The following GTF3C4 variants were observed in gnomAD, a reference collection of about 807,000 sequenced individuals.
The protein encoded by GTF3C4 is general transcription factor 3C polypeptide 4.
In GTF3C4, 28 loss-of-function variants were observed where a neutral mutation model predicts 67.5. The ratio of observed to expected loss-of-function variants is 0.41; its 90% CI spans 0.31 to 0.57. The LOEUF (loss-of-function observed/expected upper bound fraction) is 0.57, where lower values mean the gene tolerates loss of function less well. GTF3C4 is among the 20% of genes least tolerant of loss of function. GTF3C4 has a pLI of 0.21. For missense variants in GTF3C4, 831 were observed against 1,033.2 expected (o/e 0.80, Z 2.68); for synonymous variants, 409 against 393.0 (o/e 1.04, Z -0.48).
chr9:132,683,634 G>T lies in GTF3C4; in HGVS notation c.2256G>T (p.Glu752Asp). The change falls in exon 3 of 5, where the codon GAG becomes GAT. Residue 752 changes from glutamate (E) to aspartate (D), a missense_variant. Physicochemically the swap from Glu to Asp is conservative, Grantham distance 45. Around this residue, in one of 4 missense-constraint regions of GTF3C4, gnomAD observed 129 missense variants for 213.8 expected, o/e 0.60. Transcript: ENST00000372146. ...TFPEHCSLCK[E>D]ILPFTDRKQA... ...CTGAGCACTGTAGTTTGTGTAAAGA[G>T]ATCTTGCCATTCACAGATCGCAAAC... The T allele has an allele frequency of 6.2e-7, 1 of 1,613,410 alleles. No homozygotes were observed. Among genetic ancestry groups the T allele is most frequent in the Non-Finnish European group, 8.5e-7 (1 of 1,179,754 alleles).
intron 1 of GTF3C4, among the ~76,000 whole-genome samples, chr9:132,671,363 G>T (rs1391635792): frequency 3.3e-5 from 5 of 152,094 alleles, no homozygotes; most frequent in African/African-American, 9.7e-5. Context: ...ACTTTCCGAG[G>T]TTCTTGGCTG....
At chr9:132,677,128 A>G (rs1451597676) in intron 1 of GTF3C4, among the ~76,000 whole-genome samples, 1 of 152,160 alleles carries the variant, frequency 6.6e-6, no homozygotes, top group Non-Finnish European at 1.5e-5. Context: ...ACAGCTGGGC[A>G]CGGTGGCTCA....
chr9:132,673,405 T>A (rs1835817525), intron 1 of GTF3C4, among the ~76,000 whole-genome samples: 2 of 131,232 alleles, frequency 1.5e-5, no homozygotes, highest in African/African-American at 6.3e-5. Context: ...CATCTTCCCC[T>A]TCTGTACTGT....
Position 132,679,706 on chromosome 9 carries a change from A to ATCTGC in GTF3C4, c.2088_2092dup (p.His698LeufsTer21). 1 of 1,614,192 alleles carries ATCTGC rather than the reference A, an allele frequency of 6.2e-7. No homozygotes were observed. The highest frequency in any genetic ancestry group is 8.5e-7 in the Non-Finnish European group (1 of 1,180,024). On this transcript the variant is annotated frameshift_variant, in exon 2 of 5. Transcript: ENST00000372146. LOFTEE classifies it high-confidence loss of function. This position sits in a 1 kb window ranked among gnomAD's most constrained non-coding sequence, Gnocchi z 5.9. ...ATGAAGCGAGTCTTAGGAGAAGTGTATCTGCACACCTGGATCACAGAAAAC... is the reference window on the plus strand; with the variant it reads ...ATGAAGCGAGTCTTAGGAGAAGTGTATCTGCTCTGCACACCTGGATCACAGAAAAC...
At position 132,683,570 on chromosome 9, in the gene GTF3C4, T is replaced by C. The variant is rs767870216; in HGVS notation, c.2192T>C (p.Ile731Thr). 2.2e-5 allele frequency: 35 copies of C among 1,612,004 alleles called. No individual in the cohort carries two copies. Among genetic ancestry groups the C allele is most frequent in the Non-Finnish European group, 2.8e-5 (33 of 1,179,574 alleles). Residue 731 changes from isoleucine (I) to threonine (T), a missense_variant, in exon 3 of 5, where the codon ATT becomes ACT. Coordinates refer to ENST00000372146, the MANE Select transcript of GTF3C4 (RefSeq NM_012204.4). ...ACTACTTTGTCTTACTAGGTGCTGA[T>C]TGGACATATCTCAAAGAAGATGAAC... ...EYDDRTARVLIGHISKKMNKQ... is the reference protein window; with the variant it reads ...EYDDRTARVLTGHISKKMNKQ...
intron 2 of GTF3C4, among the ~76,000 whole-genome samples, chr9:132,681,740 ATG>A (rs1008986363): frequency 6.6e-6 from 1 of 152,168 alleles, no homozygotes; most frequent in Non-Finnish European, 1.5e-5. Context: ...CCCATTGAGA[ATG>A]TGTGAGTCAG....
At chr9:132,682,896 G>A (rs558468632) in intron 2 of GTF3C4, among the ~76,000 whole-genome samples, 1 of 152,258 alleles carries the variant, frequency 6.6e-6, no homozygotes, top group African/African-American at 2.4e-5. Context: ...GAGCCACTGT[G>A]CCCAGCCAAG....
At position 132,691,835 on chromosome 9, in the gene GTF3C4, T is replaced by A. The variant is rs1836119289; in HGVS notation, c.*2890T>A. 1 of 152,256 alleles carries A rather than the reference T, an allele frequency of 6.6e-6. No individual in the cohort carries two copies. The highest frequency in any genetic ancestry group is 1.5e-5 in the Non-Finnish European group (1 of 68,056). The allele number at this position is 152,256 out of a possible 1,614,324, so 9.4% of individuals were successfully genotyped here. A position where few individuals can be genotyped will look rare whatever the true frequency, so the allele number is the denominator to read the frequency against. On this transcript the variant is annotated 3_prime_UTR_variant, in exon 5 of 5. Transcript: ENST00000372146. Reference sequence around the variant, plus strand: ...TTTCCCTCTAAGAAGTTTTTGAGAATGTTAATGTTGAAGTATGCAGGCTGG... The same window carrying A: ...TTTCCCTCTAAGAAGTTTTTGAGAAAGTTAATGTTGAAGTATGCAGGCTGG...
intron 1 of GTF3C4, 57 bp downstream of exon 1, chr9:132,671,012 T>G: frequency 8.4e-7 from 1 of 1,195,218 alleles, no homozygotes; most frequent in Non-Finnish European, 1.2e-6. Flanking sequence ...CGCGGCCGCA[T>G]CATCCGTCCC....
chr9:132,670,547 T>G lies in GTF3C4; in HGVS notation c.-52T>G. 1 of 1,303,902 alleles carries G rather than the reference T, an allele frequency of 7.7e-7. No homozygotes were observed. The highest frequency in any genetic ancestry group is 1.5e-5 in the African/African-American group (1 of 64,734). 80.8% of individuals were successfully genotyped at this position (1,303,902 alleles called of 1,614,324 possible). ...GTGGCGGCGGCGGTCCGGGAGGTGG[T>G]CGCGCGACTGCGTGGAGCGCCAGGG... On this transcript the variant is annotated 5_prime_UTR_variant, in exon 1 of 5. Coordinates refer to ENST00000372146, the MANE Select transcript of GTF3C4 (RefSeq NM_012204.4).
intron 3 of GTF3C4, among the ~76,000 whole-genome samples, chr9:132,685,458 A>C (rs365297): frequency 0.48 from 72,357 of 151,990 alleles, 17,974 homozygotes; most frequent in African/African-American, 0.61. Flanking sequence ...TGAATGTTTC[A>C]TAATTTACCC....
chr9:132,673,912 A>T (rs1464999871), intron 1 of GTF3C4, among the ~76,000 whole-genome samples: 1 of 152,224 alleles, frequency 6.6e-6, no homozygotes, highest in Admixed American at 6.5e-5. Context: ...TGTTTTTCCC[A>T]TTGGACTACT....
chr9:132,676,621 A>G (rs1226277522), intron 1 of GTF3C4, among the ~76,000 whole-genome samples: 2 of 151,982 alleles, frequency 1.3e-5, no homozygotes, highest in Non-Finnish European at 2.9e-5. Flanking sequence ...ATGCCCAGCC[A>G]TGGGGGATAT....
intron 1 of GTF3C4, among the ~76,000 whole-genome samples, chr9:132,672,652 C>T (rs1172025586): frequency 6.6e-6 from 1 of 152,134 alleles, no homozygotes; most frequent in East Asian, 1.9e-4. Flanking sequence ...CTTTAAGATG[C>T]TGTTACAGTT....
rs765083568 is a variant in GTF3C4 at position 132,670,741 on chromosome 9, G to A, written c.143G>A (p.Arg48His). 45 of 1,550,270 alleles carry A rather than the reference G, an allele frequency of 2.9e-5. No individual in the cohort carries two copies. Among genetic ancestry groups the A allele is most frequent in the Non-Finnish European group, 3.3e-5 (38 of 1,154,814 alleles). The change falls in exon 1 of 5, where the codon CGC becomes CAC. Residue 48 changes from arginine to histidine, a missense_variant. Physicochemically the swap from Arg to His is conservative, Grantham distance 29. Coordinates refer to ENST00000372146, the MANE Select transcript of GTF3C4 (RefSeq NM_012204.4). ...GCCCCGGGGCCCAGCGCTGCATTCC[G>A]CCTCATGGTGACTCGGCGGGAGCCG... ...DAAPGPSAAF[R>H]LMVTRREPAV...
In GTF3C4 at chr9:132,689,699, C is replaced by G. The variant is rs1434799014; in HGVS notation, c.*754C>G. 6.6e-6 allele frequency: 1 copy of G among 152,140 alleles called. No individual in the cohort carries two copies. The highest frequency in any genetic ancestry group is 1.9e-4 in the East Asian group (1 of 5,198). The allele number at this position is 152,140 out of a possible 1,614,324, so 9.4% of individuals were successfully genotyped here. On this transcript the variant is annotated 3_prime_UTR_variant, in exon 5 of 5. Transcript: ENST00000372146. ...TGTCAAATACTGTAGTTCACCCACGCCACAGCCCTGCTTCAGACTTAACTG... is the reference window on the plus strand; with the variant it reads ...TGTCAAATACTGTAGTTCACCCACGGCACAGCCCTGCTTCAGACTTAACTG...
At chr9:132,680,135 A>G (rs771864107) in intron 2 of GTF3C4, among the ~76,000 whole-genome samples, 8 of 152,198 alleles carry the variant, frequency 5.3e-5, no homozygotes, top group African/African-American at 1.9e-4. Context: ...TATGGTGCCC[A>G]TGCTCCCTGC....
chr9:132,687,478 T>C, intron 4 of GTF3C4, 151 bp downstream of exon 4: 2 of 585,070 alleles, frequency 3.4e-6, no homozygotes, highest in Non-Finnish European at 6.3e-6. Context: ...TGCTGCTCTT[T>C]ACGGTGTTAC....
At chr9:132,677,677 AG>A (rs1385747798) in intron 1 of GTF3C4, among the ~76,000 whole-genome samples, 1 of 152,256 alleles carries the variant, frequency 6.6e-6, no homozygotes, top group African/African-American at 2.4e-5. Context: ...TTTCAGATAA[AG>A]GACCTAAAGC....
Sources: gnomAD v4.1 joint callset for allele counts (sites outside exome capture counted in the v4.1 genomes callset) on GRCh38, gnomAD v4.1.1 for gene constraint, gnomAD v4.1.1 regional missense constraint, Gnocchi (gnomAD v3.1) non-coding constraint, MANE v1.5 for transcripts, NCBI Gene and HGNC (gene_info 2026-07-23, HGNC 2026-07-21) for gene names.